The following ADAMTSL1 variants were observed in gnomAD, a reference collection of about 807,000 sequenced individuals.
ADAMTSL1 encodes ADAMTS like 1.
In ADAMTSL1, 126 loss-of-function variants were observed where a neutral mutation model predicts 201.8. The ratio of observed to expected loss-of-function variants is 0.62; its 90% CI spans 0.54 to 0.72. The LOEUF (loss-of-function observed/expected upper bound fraction) is 0.72, where lower values mean the gene tolerates loss of function less well. Ranked by LOEUF, ADAMTSL1 falls within the 30% of genes least tolerant of loss-of-function variation. ADAMTSL1 has a pLI of 0.00. For missense variants in ADAMTSL1, 2,679 were observed against 2,277.8 expected (o/e 1.18, Z -3.59); for synonymous variants, 1,121 against 903.4 (o/e 1.24, Z -4.32).
chr9:18,118,014 G>A (rs1181743922), intron 1 of ADAMTSL1, among the ~76,000 whole-genome samples: 1 of 152,066 alleles, frequency 6.6e-6, no homozygotes, highest in Non-Finnish European at 1.5e-5. Flanking sequence ...AATATAGCAT[G>A]CACCATTGCA....
At chr9:18,691,490 T>A (rs1831211510) in intron 13 of ADAMTSL1, among the ~76,000 whole-genome samples, 1 of 152,202 alleles carries the variant, frequency 6.6e-6, no homozygotes, top group Admixed American at 6.5e-5. Flanking sequence ...CCTACCTATA[T>A]GTTAAAAACA....
At chr9:18,508,717 TAACTC>T (rs751046398) in intron 2 of ADAMTSL1, among the ~76,000 whole-genome samples, 1 of 152,156 alleles carries the variant, frequency 6.6e-6, no homozygotes, top group Non-Finnish European at 1.5e-5. Context: ...TTAAAATACA[TAACTC>T]TAAGCAGTAA....
chr9:18,287,882 A>C (rs924287972), intron 2 of ADAMTSL1, among the ~76,000 whole-genome samples: 2 of 152,132 alleles, frequency 1.3e-5, no homozygotes, highest in Admixed American at 1.3e-4. Flanking sequence ...AATCCCATTC[A>C]AGTTTTTCTC....
chr9:17,924,409 G>T (rs1254360103), intron 1 of ADAMTSL1, among the ~76,000 whole-genome samples: 1 of 152,080 alleles, frequency 6.6e-6, no homozygotes, highest in African/African-American at 2.4e-5. Flanking sequence ...TAGTTTATTT[G>T]CGTAGAGGTG....
intron 16 of ADAMTSL1, among the ~76,000 whole-genome samples, chr9:18,755,718 C>T (rs979345594): frequency 2.6e-5 from 4 of 152,058 alleles, no homozygotes; most frequent in Non-Finnish European, 4.4e-5. Flanking sequence ...CTTAAATTTT[C>T]ATCTACTTTG....
chr9:18,089,125 C>G (rs990134648), intron 1 of ADAMTSL1, among the ~76,000 whole-genome samples: 3 of 152,034 alleles, frequency 2.0e-5, no homozygotes, highest in Admixed American at 2.0e-4. Flanking sequence ...GCGCTGCAGC[C>G]TGGGCGACAG....
chr9:18,439,742 C>A (rs540880207), intron 2 of ADAMTSL1, among the ~76,000 whole-genome samples: 1 of 152,290 alleles, frequency 6.6e-6, no homozygotes, highest in South Asian at 2.1e-4. Context: ...TAATGTAGTG[C>A]CTGGCTCTTG....
chr9:18,299,221 A>C (rs1384054955), intron 2 of ADAMTSL1, among the ~76,000 whole-genome samples: 1 of 151,760 alleles, frequency 6.6e-6, no homozygotes, highest in Non-Finnish European at 1.5e-5. Flanking sequence ...CAAACCCCAG[A>C]CTTCTAGCAC....
intron 2 of ADAMTSL1, among the ~76,000 whole-genome samples, chr9:18,284,068 T>G (rs1388982055): frequency 1.3e-5 from 2 of 150,936 alleles, no homozygotes; most frequent in East Asian, 3.9e-4. Flanking sequence ...CCATCTCTAC[T>G]AAAAATAGAA....
intron 1 of ADAMTSL1, among the ~76,000 whole-genome samples, chr9:18,120,284 T>C (rs1224352621): frequency 6.6e-6 from 1 of 152,236 alleles, no homozygotes; most frequent in Non-Finnish European, 1.5e-5. Context: ...GAGTGAGTGA[T>C]TCCAGAGAGC....
At chr9:18,437,761 C>T (rs1819804528) in intron 2 of ADAMTSL1, among the ~76,000 whole-genome samples, 1 of 152,146 alleles carries the variant, frequency 6.6e-6, no homozygotes, top group South Asian at 2.1e-4. Context: ...TCATTAAATA[C>T]CAGTATTAAC....
chr9:18,844,422 G>A (rs191111515), intron 23 of ADAMTSL1, among the ~76,000 whole-genome samples: 48 of 152,316 alleles, frequency 3.2e-4, no homozygotes, highest in East Asian at 1.4e-3. Context: ...GTACCCGGCC[G>A]TGTAAGGTGT....
intron 1 of ADAMTSL1, among the ~76,000 whole-genome samples, chr9:18,143,428 G>C (rs975324952): frequency 5.9e-5 from 9 of 152,108 alleles, no homozygotes; most frequent in Non-Finnish European, 1.2e-4. Context: ...ATTTTTTATG[G>C]CAGTTGGGGG....
chr9:18,639,025 C>G (rs1193159626), intron 6 of ADAMTSL1, among the ~76,000 whole-genome samples: 1 of 152,032 alleles, frequency 6.6e-6, no homozygotes, highest in Non-Finnish European at 1.5e-5. Context: ...GACAGGAACC[C>G]TTGAATGCCT....
chr9:17,939,744 G>A (rs1827158931), intron 1 of ADAMTSL1, among the ~76,000 whole-genome samples: 1 of 151,918 alleles, frequency 6.6e-6, no homozygotes, highest in African/African-American at 2.4e-5. Context: ...TAAACACTTG[G>A]GATAAAATCA....
chr9:18,484,235 G>A (rs1286759219), intron 1 of ADAMTSL1, among the ~76,000 whole-genome samples: 2 of 152,210 alleles, frequency 1.3e-5, no homozygotes, highest in African/African-American at 2.4e-5. Context: ...TGGCACAGGG[G>A]TGAGGAAGAC....
intron 3 of ADAMTSL1, among the ~76,000 whole-genome samples, chr9:18,539,345 G>A (rs1819988208): frequency 6.6e-6 from 1 of 152,174 alleles, no homozygotes; most frequent in Non-Finnish European, 1.5e-5. Context: ...ACTAAATAAA[G>A]TATGACGCAC....
intron 1 of ADAMTSL1, among the ~76,000 whole-genome samples, chr9:18,136,827 T>C (rs1826178108): frequency 6.6e-6 from 1 of 152,056 alleles, no homozygotes; most frequent in South Asian, 2.1e-4. Flanking sequence ...TTGGCATATT[T>C]AAGCAAGGCA....
At position 18,458,622 on chromosome 9, in the gene ADAMTSL1, G is replaced by A. The variant is rs113824627; in HGVS notation, c.208-46207G>A. Among the ~76,000 whole-genome samples, 227 of 152,232 alleles carry A rather than the reference G, an allele frequency of 1.5e-3. 1 individual carries two copies. The highest frequency in any genetic ancestry group is 5.2e-3 in the African/African-American group (216 of 41,556). On this transcript the variant is annotated intron_variant, in intron 2 of 29. Transcript: ENST00000680146. ...TAGCTTATTTCACTAGATTTTCAGAGCATTCTTAGAGGAAAAAGGCTTTCT... is the reference window on the plus strand; with the variant it reads ...TAGCTTATTTCACTAGATTTTCAGAACATTCTTAGAGGAAAAAGGCTTTCT...
Sources: allele counts gnomAD v4.1 joint callset (sites outside exome capture counted in the v4.1 genomes callset), GRCh38; gene constraint gnomAD v4.1.1; transcripts MANE v1.5; gene names NCBI Gene and HGNC (gene_info 2026-07-23, HGNC 2026-07-21).